DLG2: variants seen among roughly 807,000 people sequenced by gnomAD.
DLG2 encodes the protein disks large homolog 2.
Under a neutral mutation model 132.5 loss-of-function variants are expected in DLG2, and 45 were observed. The observed-to-expected ratio is 0.34, with a 90% CI of 0.27 to 0.44. The LOEUF (loss-of-function observed/expected upper bound fraction) is 0.44. Among genes scored for constraint, DLG2 ranks in the 20% least tolerant of loss-of-function variants. The probability of loss-of-function intolerance (pLI) is 1.00; values close to 1 mark genes in which losing one functional copy is unlikely to be tolerated. For missense variants in DLG2, 1,045 were observed against 1,196.9 expected (o/e 0.87, Z 1.87); for synonymous variants, 424 against 419.6 (o/e 1.01, Z -0.13).
intron 5 of DLG2, among the ~76,000 whole-genome samples, chr11:85,137,164 T>C (rs1027995463): frequency 6.6e-6 from 1 of 152,112 alleles, no homozygotes; most frequent in Non-Finnish European, 1.5e-5. Context: ...CTAGCTGAAG[T>C]GTTACAAGTA....
chr11:85,021,225 G>A (rs989658794), intron 6 of DLG2: 66 of 1,263,804 alleles, frequency 5.2e-5, no homozygotes, highest in Non-Finnish European at 6.7e-5. Context: ...GACGTTTCGA[G>A]GGCACTACAG....
intron 7 of DLG2, among the ~76,000 whole-genome samples, chr11:84,337,882 T>C (rs2098494826): frequency 6.6e-6 from 1 of 152,202 alleles, no homozygotes; most frequent in African/African-American, 2.4e-5. Flanking sequence ...AAAATATCAT[T>C]ATAGCACAGT....
At chr11:84,857,175 A>G (rs55972551) in intron 6 of DLG2, among the ~76,000 whole-genome samples, 13,979 of 151,900 alleles carry the variant, frequency 0.092, 899 homozygotes, top group Non-Finnish European at 0.14. Context: ...TAGAGGGGAG[A>G]AAGCAGAGTA....
intron 3 of DLG2, among the ~76,000 whole-genome samples, chr11:85,469,931 T>C (rs1034590742): frequency 6.6e-6 from 1 of 152,110 alleles, no homozygotes; most frequent in African/African-American, 2.4e-5. Context: ...AGGCCTCCAG[T>C]AGTTTCCCAT....
chr11:84,471,830 T>A (rs2099109203), intron 7 of DLG2, among the ~76,000 whole-genome samples: 1 of 151,890 alleles, frequency 6.6e-6, no homozygotes. Context: ...CTGCTTTGAA[T>A]CTGCTGTTAC....
intron 3 of DLG2, among the ~76,000 whole-genome samples, chr11:85,358,634 A>C (rs1347091197): frequency 6.6e-6 from 1 of 152,262 alleles, no homozygotes; most frequent in East Asian, 1.9e-4. Context: ...ATTGTCTTGC[A>C]GTGTTCCAAA....
intron 3 of DLG2, among the ~76,000 whole-genome samples, chr11:85,341,580 C>A (rs936036529): frequency 6.6e-6 from 1 of 152,094 alleles, no homozygotes. Context: ...GGCATCTGTA[C>A]CTTAGTCCCG....
Position 84,387,606 on chromosome 11 carries a change from C to T in DLG2, c.520-136315G>A, listed in dbSNP as rs578013606. On this transcript the variant is annotated intron_variant, in intron 7 of 27. Coordinates refer to ENST00000376104, the MANE Select transcript of DLG2 (RefSeq NM_001142699.3). ...GGGCATGCAAAAGCTAAATGAGAGA[C>T]AATACTCCTGTTCCAAGAAGTGTAC... Among the ~76,000 whole-genome samples, 10 of 152,180 alleles carry T rather than the reference C, an allele frequency of 6.6e-5. No individual in the cohort carries two copies. In the South Asian group the frequency reaches 1.9e-3, roughly 28 times the overall value.
At chr11:85,373,611 G>T (rs1002421978) in intron 3 of DLG2, among the ~76,000 whole-genome samples, 1 of 152,132 alleles carries the variant, frequency 6.6e-6, no homozygotes, top group Non-Finnish European at 1.5e-5. Context: ...GGAGGAGCCT[G>T]GCCCCTCTTC....
chr11:85,005,275 T>C (rs893116136), intron 6 of DLG2, among the ~76,000 whole-genome samples: 4 of 152,208 alleles, frequency 2.6e-5, no homozygotes, highest in Non-Finnish European at 5.9e-5. Flanking sequence ...AAGTCGGTGA[T>C]AGCTTGATGG....
At chr11:84,865,609 G>A (rs1600219761) in intron 6 of DLG2, among the ~76,000 whole-genome samples, 1 of 152,202 alleles carries the variant, frequency 6.6e-6, no homozygotes, top group East Asian at 1.9e-4. Context: ...TTTTTCAAAG[G>A]TAACAGTTAT....
At chr11:84,482,045 A>C (rs1028387630) in intron 7 of DLG2, among the ~76,000 whole-genome samples, 2 of 152,194 alleles carry the variant, frequency 1.3e-5, no homozygotes, top group Non-Finnish European at 2.9e-5. Flanking sequence ...TTTATTTATA[A>C]AAGATATCTA....
At chr11:84,586,656 T>A (rs749578664) in intron 6 of DLG2, among the ~76,000 whole-genome samples, 1 of 152,168 alleles carries the variant, frequency 6.6e-6, no homozygotes, top group Non-Finnish European at 1.5e-5. Context: ...TTATTTTTTG[T>A]TTTTGTCATA....
In DLG2 at chr11:84,675,137, C is replaced by T. The variant is rs549708885; in HGVS notation, c.358-140406G>A. 1.2e-4 allele frequency among the ~76,000 whole-genome samples: 19 copies of T among 152,236 alleles called. No homozygotes were observed. In the South Asian group the frequency reaches 1.9e-3, roughly 15 times the overall value. ...GTAGGGAATCTGCCATCCAGTCCAACCCTGCGGCCCCCTCTATCCAGAGTG... is the reference window on the plus strand; with the variant it reads ...GTAGGGAATCTGCCATCCAGTCCAATCCTGCGGCCCCCTCTATCCAGAGTG... On this transcript the variant is annotated intron_variant, in intron 6 of 27. Coordinates refer to ENST00000376104, the MANE Select transcript of DLG2 (RefSeq NM_001142699.3).
At chr11:84,860,768 C>A (rs1166764666) in intron 6 of DLG2, among the ~76,000 whole-genome samples, 1 of 150,756 alleles carries the variant, frequency 6.6e-6, no homozygotes, top group African/African-American at 2.4e-5. Flanking sequence ...GTATCTAATC[C>A]AGAAGATTTA....
intron 2 of DLG2, among the ~76,000 whole-genome samples, chr11:85,618,496 C>T (rs2081487002): frequency 6.6e-6 from 1 of 152,248 alleles, no homozygotes; most frequent in African/African-American, 2.4e-5. Flanking sequence ...ATGTTTATCC[C>T]AGGCAAATTA....
At chr11:85,401,382 G>A (rs963724789) in intron 3 of DLG2, among the ~76,000 whole-genome samples, 15 of 152,040 alleles carry the variant, frequency 9.9e-5, no homozygotes, top group Admixed American at 3.9e-4. Flanking sequence ...AGCCAATATC[G>A]TACTGAATGG....
At chr11:84,359,139 T>G (rs768923410) in intron 7 of DLG2, among the ~76,000 whole-genome samples, 11 of 151,934 alleles carry the variant, frequency 7.2e-5, no homozygotes, top group Non-Finnish European at 8.8e-5. Flanking sequence ...AATAATATGC[T>G]TCCCTAGACT....
intron 7 of DLG2, among the ~76,000 whole-genome samples, chr11:84,526,831 T>G (rs1037321839): frequency 1.4e-5 from 2 of 142,018 alleles, no homozygotes; most frequent in South Asian, 2.2e-4. Context: ...CAGGCTGGAG[T>G]GCAGTGGCGC....
Sources: allele counts gnomAD v4.1 joint callset (sites outside exome capture counted in the v4.1 genomes callset), GRCh38; gene constraint gnomAD v4.1.1; transcripts MANE v1.5; gene names NCBI Gene and HGNC (gene_info 2026-07-23, HGNC 2026-07-21).